Variants in UNC5C observed in about 807,000 individuals in gnomAD.
The protein encoded by UNC5C is unc-5 netrin receptor C, also known as netrin receptor UNC5C.
UNC5C carries 47 observed loss-of-function variants against 99.8 expected under a neutral mutation model. The observed-to-expected ratio is 0.47, with a 90% confidence interval of 0.37 to 0.60. The LOEUF (loss-of-function observed/expected upper bound fraction) is 0.60. UNC5C is among the 20% of genes least tolerant of loss of function. The probability of loss-of-function intolerance (pLI) is 0.00; values close to 1 mark genes in which losing one functional copy is unlikely to be tolerated. For synonymous variants in UNC5C, 487 were observed against 452.2 expected, an observed-to-expected ratio of 1.08 and a Z score of -0.98; for missense variants, 1,062 against 1,165.9, an observed-to-expected ratio of 0.91 and a Z score of 1.30.
chr4:95,222,433 G>A (rs1738504986), intron 7 of UNC5C, among the ~76,000 whole-genome samples: 1 of 152,088 alleles, frequency 6.6e-6, no homozygotes, highest in Non-Finnish European at 1.5e-5. Flanking sequence ...TGTCTGCTCT[G>A]GAGCCTCACT....
In UNC5C at chr4:95,185,148, G is replaced by T. The variant is rs1374048071; in HGVS notation, c.2185C>A (p.Pro729Thr). The T allele has an allele frequency of 3.7e-6, 6 of 1,613,752 alleles. No homozygotes were observed. Among genetic ancestry groups the T allele is most frequent in the Non-Finnish European group, 5.1e-6 (6 of 1,179,964 alleles). Reference sequence around the variant, plus strand: ...CTGCCTTTAAAATGAAGAGCCTTAGGTTCTTCTAGGAGCTGTCCTCCCATC... The same window carrying T: ...CTGCCTTTAAAATGAAGAGCCTTAGTTTCTTCTAGGAGCTGTCCTCCCATC... ...RQMGGQLLEE[P>T]KALHFKGSTH... The change falls in exon 13 of 16, where the codon CCT (proline) becomes ACT (threonine). Residue 729 changes from proline (P) to threonine (T), a missense_variant. Pro to Thr is a conservative substitution (Grantham distance 38). This residue lies in a region of UNC5C where 810 missense variants were observed against 854.5 expected (regional missense o/e 0.95). Coordinates refer to ENST00000453304, the MANE Select transcript of UNC5C (RefSeq NM_003728.4).
intron 1 of UNC5C, among the ~76,000 whole-genome samples, chr4:95,448,227 T>TGTGAGAGA (rs1339694230): frequency 5.0e-5 from 5 of 100,088 alleles, no homozygotes; most frequent in African/African-American, 2.0e-4. Flanking sequence ...TGTGTGTGTG[T>TGTGAGAGA]GAGAGAGAGA....
At chr4:95,509,599 A>C (rs1337059983) in intron 1 of UNC5C, among the ~76,000 whole-genome samples, 1 of 151,880 alleles carries the variant, frequency 6.6e-6, no homozygotes, top group African/African-American at 2.4e-5. Context: ...CCCTGTTATT[A>C]ATTCATTTAA....
chr4:95,218,949 T>C lies in UNC5C; in HGVS notation c.1645+20A>G, dbSNP rs1738356680. 2.6e-6 allele frequency: 4 copies of C among 1,559,260 alleles called. No individual in the cohort carries two copies. The East Asian group carries it at 9.0e-5, about 35-fold the overall frequency. On this transcript the variant is annotated intron_variant, in intron 9 of 15. Transcript: ENST00000453304. ...TATGTTTCAAGCTGCCTCTTTGCAATTTAAACCTCTAGGAATTACCTGAAT... is the reference window on the plus strand; with the variant it reads ...TATGTTTCAAGCTGCCTCTTTGCAACTTAAACCTCTAGGAATTACCTGAAT...
At chr4:95,448,062 G>A (rs918924944) in intron 1 of UNC5C, among the ~76,000 whole-genome samples, 7 of 152,062 alleles carry the variant, frequency 4.6e-5, no homozygotes, top group African/African-American at 9.7e-5. Flanking sequence ...CACTTGTAAC[G>A]TGCTAACATG....
intron 9 of UNC5C, among the ~76,000 whole-genome samples, chr4:95,217,072 C>T (rs1016583540): frequency 6.6e-6 from 1 of 152,166 alleles, no homozygotes; most frequent in African/African-American, 2.4e-5. Context: ...CATTTGATTC[C>T]CCTAAAATCC....
intron 14 of UNC5C, among the ~76,000 whole-genome samples, chr4:95,176,668 G>C (rs1348457455): frequency 6.6e-6 from 1 of 152,242 alleles, no homozygotes; most frequent in Non-Finnish European, 1.5e-5. Context: ...GGACATTTAA[G>C]TCTGCAGAGG....
intron 13 of UNC5C, among the ~76,000 whole-genome samples, chr4:95,184,395 A>C (rs1285839308): frequency 1.3e-5 from 2 of 152,202 alleles, no homozygotes; most frequent in African/African-American, 4.8e-5. Context: ...ATGGATTCAC[A>C]GCTCTCTAAA....
chr4:95,172,859 T>C (rs1481968207), intron 14 of UNC5C, among the ~76,000 whole-genome samples: 1 of 152,200 alleles, frequency 6.6e-6, no homozygotes, highest in Non-Finnish European at 1.5e-5. Context: ...ATATTGATTC[T>C]TCCTACCCAT....
At chr4:95,296,004 C>T (rs1741657799) in intron 3 of UNC5C, among the ~76,000 whole-genome samples, 1 of 152,180 alleles carries the variant, frequency 6.6e-6, no homozygotes, top group South Asian at 2.1e-4. Flanking sequence ...GCAGGAAAAT[C>T]ACCTGAACCC....
intron 1 of UNC5C, among the ~76,000 whole-genome samples, chr4:95,365,365 C>T (rs1312450118): frequency 7.0e-6 from 1 of 142,922 alleles, no homozygotes; most frequent in Non-Finnish European, 1.5e-5. Flanking sequence ...AATTATATAA[C>T]ATTTAAAAAT....
At chr4:95,452,882 G>C (rs935410413) in intron 1 of UNC5C, among the ~76,000 whole-genome samples, 3 of 152,144 alleles carry the variant, frequency 2.0e-5, no homozygotes, top group African/African-American at 7.2e-5. Context: ...AAAAGAAAGT[G>C]CTTATCTTAT....
At chr4:95,448,534 G>T (rs1441197506) in intron 1 of UNC5C, among the ~76,000 whole-genome samples, 2 of 152,144 alleles carry the variant, frequency 1.3e-5, no homozygotes, top group Non-Finnish European at 2.9e-5. Context: ...TCGAGTTAAG[G>T]AAAGATAAGC....
intron 3 of UNC5C, 99 bp from the exon 4 acceptor site, chr4:95,278,461 C>A: frequency 2.4e-6 from 2 of 847,758 alleles, no homozygotes; most frequent in South Asian, 1.6e-5. Flanking sequence ...TTTATCTGTG[C>A]TTTTTTTTCT....
At chr4:95,478,564 C>T (rs1721032226) in intron 1 of UNC5C, among the ~76,000 whole-genome samples, 1 of 151,978 alleles carries the variant, frequency 6.6e-6, no homozygotes, top group African/African-American at 2.4e-5. Flanking sequence ...TTCTATTCCA[C>T]ACCCTTGTTG....
intron 1 of UNC5C, among the ~76,000 whole-genome samples, chr4:95,370,189 C>T (rs1433063293): frequency 6.6e-6 from 1 of 151,722 alleles, no homozygotes; most frequent in Non-Finnish European, 1.5e-5. Context: ...AGACTCAGGC[C>T]ATAAAAGAAG....
At chr4:95,177,270 G>A (rs534715530) in intron 14 of UNC5C, among the ~76,000 whole-genome samples, 1 of 152,282 alleles carries the variant, frequency 6.6e-6, no homozygotes, top group African/African-American at 2.4e-5. Context: ...TCTTTTTAAA[G>A]CACGTAACTT....
intron 1 of UNC5C, among the ~76,000 whole-genome samples, chr4:95,525,750 C>T (rs1015089105): frequency 1.3e-5 from 2 of 152,056 alleles, no homozygotes; most frequent in African/African-American, 4.8e-5. Flanking sequence ...AGAGTAACTA[C>T]TCTACTCAAA....
At chr4:95,361,544 G>A (rs1379228044) in intron 1 of UNC5C, among the ~76,000 whole-genome samples, 1 of 152,200 alleles carries the variant, frequency 6.6e-6, no homozygotes, top group Non-Finnish European at 1.5e-5. Context: ...TGTCTCCTGT[G>A]AGTGTGGGCT....
Sources: gnomAD v4.1 joint callset for allele counts (sites outside exome capture counted in the v4.1 genomes callset) on GRCh38, gnomAD v4.1.1 for gene constraint, gnomAD v4.1.1 regional missense constraint, MANE v1.5 for transcripts, NCBI Gene and HGNC (gene_info 2026-07-23, HGNC 2026-07-21) for gene names.